Variants in MTHFD2L observed in about 807,000 individuals in gnomAD.
MTHFD2L encodes bifunctional methylenetetrahydrofolate dehydrogenase/cyclohydrolase 2, mitochondrial.
In MTHFD2L, 29 loss-of-function variants were observed where a neutral mutation model predicts 34.9. The observed-to-expected ratio is 0.83, with a 90% CI of 0.62 to 1.13. The LOEUF is 1.13. Among genes scored for constraint, MTHFD2L ranks in the 50% most tolerant of loss-of-function variants. The probability of loss-of-function intolerance (pLI) is 0.00; values close to 1 mark genes in which losing one functional copy is unlikely to be tolerated. For missense variants in MTHFD2L, 481 were observed against 446.5 expected, an observed-to-expected ratio of 1.08 and a Z score of -0.70; for synonymous variants, 167 against 155.7, an observed-to-expected ratio of 1.07 and a Z score of -0.54.
chr4:74,221,468 T>A (rs1276725996), intron 5 of MTHFD2L, among the ~76,000 whole-genome samples: 1 of 151,822 alleles, frequency 6.6e-6, no homozygotes, highest in Non-Finnish European at 1.5e-5. Flanking sequence ...GTATATATTA[T>A]TTTTCTATCT....
At chr4:74,279,452 G>A (rs1578701204) in intron 6 of MTHFD2L, among the ~76,000 whole-genome samples, 4 of 151,892 alleles carry the variant, frequency 2.6e-5, no homozygotes, top group Admixed American at 2.6e-4. Flanking sequence ...GATATATAAA[G>A]CGTCATTATC....
intron 7 of MTHFD2L, among the ~76,000 whole-genome samples, chr4:74,288,667 C>T (rs1748497326): frequency 6.6e-6 from 1 of 152,160 alleles, no homozygotes; most frequent in Non-Finnish European, 1.5e-5. Context: ...GCTCCACTTA[C>T]TAACTTTTTT....
intron 1 of MTHFD2L, among the ~76,000 whole-genome samples, chr4:74,142,779 G>C (rs1477310960): frequency 6.6e-6 from 1 of 152,072 alleles, no homozygotes; most frequent in Non-Finnish European, 1.5e-5. Flanking sequence ...TGCAGAATGG[G>C]AGAGCCAAGA....
At chr4:74,277,419 C>T (rs1218456474) in intron 6 of MTHFD2L, among the ~76,000 whole-genome samples, 1 of 151,910 alleles carries the variant, frequency 6.6e-6, no homozygotes, top group East Asian at 1.9e-4. Context: ...TCTCAAGATG[C>T]CCCATTGTAG....
rs1399161699 is a variant in MTHFD2L at position 74,158,192 on chromosome 4, G to A, written c.54G>A (p.Ala18=). ...TGCTCCGCGGCCGCCTTGGCCGAGC[G>A]CCGGCGTTGGGCAGAAGCACAGCAC... is the stretch of plus-strand genomic sequence containing the variant. ...FSLLRGRLGR[A]PALGRSTAPS... The change falls in exon 1 of 8, where the codon GCG becomes GCA. Residue 18 remains alanine, a synonymous_variant. Transcript: ENST00000325278. The A allele has an allele frequency of 6.6e-7, 1 of 1,525,688 alleles. No homozygotes were observed. The highest frequency in any genetic ancestry group is 2.1e-5 in the Admixed American group (1 of 48,146). 94.5% of individuals were successfully genotyped at this position (1,525,688 alleles called of 1,614,324 possible).
intron 7 of MTHFD2L, among the ~76,000 whole-genome samples, chr4:74,284,721 T>C (rs769661559): frequency 6.6e-6 from 1 of 151,984 alleles, no homozygotes; most frequent in Non-Finnish European, 1.5e-5. Flanking sequence ...TATGGAGAAA[T>C]AGGAACACTT....
chr4:74,273,893 G>A (rs1249240345), intron 6 of MTHFD2L, among the ~76,000 whole-genome samples: 7 of 152,148 alleles, frequency 4.6e-5, no homozygotes, highest in African/African-American at 1.7e-4. Flanking sequence ...GAGATTTCAC[G>A]AGACAGACTG....
At chr4:74,161,242 G>A (rs1438886699) in intron 1 of MTHFD2L, 2 of 152,116 alleles carry the variant, frequency 1.3e-5, no homozygotes, top group African/African-American at 2.4e-5. Flanking sequence ...GTCTTTTACC[G>A]TGGGTAGTTA....
At chr4:74,186,000 TC>T (rs1405598896) in intron 3 of MTHFD2L, among the ~76,000 whole-genome samples, 9 of 152,130 alleles carry the variant, frequency 5.9e-5, no homozygotes, top group Admixed American at 1.3e-4. Flanking sequence ...CATTAACAAA[TC>T]AAATCCAACA....
At chr4:74,197,679 G>T (rs1254365626) in intron 3 of MTHFD2L, among the ~76,000 whole-genome samples, 1 of 152,136 alleles carries the variant, frequency 6.6e-6, no homozygotes, top group Non-Finnish European at 1.5e-5. Context: ...GTAGTGATTT[G>T]AGATTGACTC....
chr4:74,172,878 A>G (rs1172702096), intron 1 of MTHFD2L, among the ~76,000 whole-genome samples: 6 of 152,216 alleles, frequency 3.9e-5, no homozygotes, highest in Non-Finnish European at 7.3e-5. Context: ...CTATACGTCC[A>G]CAAACCTGCT....
upstream of MTHFD2L, among the ~76,000 whole-genome samples, chr4:74,155,621 C>T (rs1395796530): frequency 6.6e-6 from 1 of 151,740 alleles, no homozygotes; most frequent in Non-Finnish European, 1.5e-5. Flanking sequence ...TTAGGTAAAA[C>T]ATTAAAAAAG....
chr4:74,173,995 C>A (rs1371690271), intron 1 of MTHFD2L, among the ~76,000 whole-genome samples: 2 of 152,074 alleles, frequency 1.3e-5, no homozygotes, highest in African/African-American at 4.8e-5. Flanking sequence ...AAATGAATTT[C>A]TTATAGTTTT....
intron 1 of MTHFD2L, among the ~76,000 whole-genome samples, chr4:74,128,077 T>C (rs1309239248): frequency 6.6e-6 from 1 of 152,078 alleles, no homozygotes; most frequent in Non-Finnish European, 1.5e-5. Context: ...AGATCTGTTG[T>C]CCGTTTTAAA....
chr4:74,181,235 A>C (rs1730107136), intron 3 of MTHFD2L, among the ~76,000 whole-genome samples: 1 of 152,194 alleles, frequency 6.6e-6, no homozygotes, highest in African/African-American at 2.4e-5. Context: ...CTAAGGCTGA[A>C]AACAATTATC....
At chr4:74,160,991 C>G (rs1005475781) in intron 1 of MTHFD2L, 2 of 152,166 alleles carry the variant, frequency 1.3e-5, no homozygotes, top group African/African-American at 4.8e-5. Flanking sequence ...CATGTTTATC[C>G]TGTTGCTCAG....
At chr4:74,290,998 C>CTTTTTTTTTTTTTTTTTTTTTT (rs1560565979) in intron 7 of MTHFD2L, among the ~76,000 whole-genome samples, 1 of 46,156 alleles carries the variant, frequency 2.2e-5, no homozygotes, top group African/African-American at 6.7e-5. Flanking sequence ...TTTATTTTTC[C>CTTTTTTTTTTTTTTTTTTTTTT]TTTTCTTTTT....
chr4:74,232,456 T>G (rs1360596745), intron 6 of MTHFD2L, among the ~76,000 whole-genome samples: 8 of 152,120 alleles, frequency 5.3e-5, no homozygotes, highest in African/African-American at 1.7e-4. Flanking sequence ...TTCTACCTCA[T>G]CTTCCCACCT....
At chr4:74,119,396 T>C (rs1329788227), upstream of MTHFD2L, among the ~76,000 whole-genome samples, 1 of 152,188 alleles carries the variant, frequency 6.6e-6, no homozygotes, top group Non-Finnish European at 1.5e-5. Context: ...ATAAAAACAA[T>C]CATCACTGGA....
Sources: allele counts gnomAD v4.1 joint callset (sites outside exome capture counted in the v4.1 genomes callset), GRCh38; gene constraint gnomAD v4.1.1; transcripts MANE v1.5; gene names NCBI Gene and HGNC (gene_info 2026-07-23, HGNC 2026-07-21).